The following CHRM3 variants were observed in gnomAD, a reference collection of about 807,000 sequenced individuals.
CHRM3 encodes cholinergic receptor muscarinic 3.
CHRM3 carries 11 observed loss-of-function variants against 41.8 expected under a neutral mutation model. That is an observed-to-expected ratio of 0.26 (90% CI 0.17 to 0.44). CHRM3 has a LOEUF of 0.44. CHRM3 is among the 20% of genes least tolerant of loss of function. CHRM3 has a pLI of 1.00. For missense variants in CHRM3, 571 were observed against 745.4 expected, an observed-to-expected ratio of 0.77 and a Z score of 2.72; for synonymous variants, 297 against 301.4, an observed-to-expected ratio of 0.99 and a Z score of 0.15.
chr1:239,824,672 G>A (rs1672314865), intron 5 of CHRM3, among the ~76,000 whole-genome samples: 1 of 152,170 alleles, frequency 6.6e-6, no homozygotes, highest in African/African-American at 2.4e-5. Context: ...GTAAAACAGA[G>A]TTAGCTGTTA....
At chr1:239,904,590 TACAA>T (rs777913886) in intron 6 of CHRM3, among the ~76,000 whole-genome samples, 35 of 152,198 alleles carry the variant, frequency 2.3e-4, no homozygotes, top group Non-Finnish European at 2.5e-4. Flanking sequence ...AATTGTGGGC[TACAA>T]ACAGTGTGTA....
At chr1:239,834,471 C>A (rs529078218) in intron 6 of CHRM3, among the ~76,000 whole-genome samples, 1 of 152,054 alleles carries the variant, frequency 6.6e-6, no homozygotes, top group South Asian at 2.1e-4. Flanking sequence ...TTCTCTCTCT[C>A]CCTGCACCAT....
intron 6 of CHRM3, among the ~76,000 whole-genome samples, chr1:239,876,808 T>C (rs759968866): frequency 3.1e-4 from 47 of 152,332 alleles, no homozygotes; most frequent in Non-Finnish European, 4.3e-4. Flanking sequence ...AGGCTGACAA[T>C]CAGTTCCCTA....
intron 3 of CHRM3, among the ~76,000 whole-genome samples, chr1:239,562,843 G>A (rs373212089): frequency 7.4e-4 from 108 of 146,778 alleles, no homozygotes; most frequent in Middle Eastern, 3.8e-3. Context: ...AGCCGAGGTC[G>A]CGCCACTGCA....
chr1:239,643,002 A>AGG (rs2148930086), intron 4 of CHRM3, among the ~76,000 whole-genome samples: 1 of 152,300 alleles, frequency 6.6e-6, no homozygotes, highest in Admixed American at 6.5e-5. Flanking sequence ...CCTCAGCTGC[A>AGG]GGTCTGTTGG....
At chr1:239,465,475 A>G (rs1387684746) in intron 1 of CHRM3, among the ~76,000 whole-genome samples, 2 of 152,208 alleles carry the variant, frequency 1.3e-5, no homozygotes, top group African/African-American at 4.8e-5. Context: ...TAGGCAGAGC[A>G]GTTTTTGACA....
intron 6 of CHRM3, among the ~76,000 whole-genome samples, chr1:239,837,063 T>A (rs578065744): frequency 1.3e-5 from 2 of 152,044 alleles, no homozygotes; most frequent in East Asian, 3.9e-4. Flanking sequence ...CTATGATCAG[T>A]AATGCATGAT....
At chr1:239,458,157 G>C (rs754365135) in intron 1 of CHRM3, among the ~76,000 whole-genome samples, 3 of 152,198 alleles carry the variant, frequency 2.0e-5, no homozygotes, top group Non-Finnish European at 4.4e-5. Flanking sequence ...TAAGAAAAGA[G>C]TAGAATGTAT....
chr1:239,468,280 A>G (rs954296269), intron 1 of CHRM3, among the ~76,000 whole-genome samples: 5 of 152,190 alleles, frequency 3.3e-5, no homozygotes, highest in Non-Finnish European at 7.3e-5. Context: ...GATGATTACT[A>G]AGGTTTATCA....
chr1:239,589,044 C>T (rs1398012891), intron 3 of CHRM3, among the ~76,000 whole-genome samples: 1 of 152,052 alleles, frequency 6.6e-6, no homozygotes, highest in Non-Finnish European at 1.5e-5. Context: ...AGCAGTTCTC[C>T]TGCCTCAGCC....
intron 1 of CHRM3, among the ~76,000 whole-genome samples, chr1:239,460,565 T>G (rs1665282055): frequency 6.6e-6 from 1 of 152,304 alleles, no homozygotes; most frequent in Non-Finnish European, 1.5e-5. Context: ...AGGAAGACAT[T>G]ATTCCTTAAC....
At chr1:239,510,323 C>G (rs753473805) in intron 2 of CHRM3, among the ~76,000 whole-genome samples, 5 of 152,164 alleles carry the variant, frequency 3.3e-5, no homozygotes, top group Non-Finnish European at 7.3e-5. Context: ...CCAGAATCAA[C>G]TGGTATCTTC....
At chr1:239,515,734 C>T (rs1669224043) in intron 2 of CHRM3, among the ~76,000 whole-genome samples, 1 of 152,156 alleles carries the variant, frequency 6.6e-6, no homozygotes, top group South Asian at 2.1e-4. Context: ...ATGGAGTATG[C>T]CAAACTCTGC....
At chr1:239,835,516 T>C (rs1352992225) in intron 6 of CHRM3, among the ~76,000 whole-genome samples, 5 of 152,232 alleles carry the variant, frequency 3.3e-5, no homozygotes, top group African/African-American at 1.2e-4. Context: ...ACAACATTTC[T>C]TGACTTTCTT....
At position 239,869,431 on chromosome 1, in the gene CHRM3, T is replaced by C. The variant is rs112949843; in HGVS notation, c.-19-38002T>C. Among the ~76,000 whole-genome samples, 628 of 152,268 alleles carry C rather than the reference T, an allele frequency of 4.1e-3. 7 individuals carry two copies. The highest frequency in any genetic ancestry group is 0.014 in the African/African-American group (599 of 41,566). ...AGAACAGCCTTGTAAGCTTGGAACA[T>C]AGTAGTCAGGCAATTAGGTGGACAT... On this transcript the variant is annotated intron_variant, in intron 6 of 6. Transcript: ENST00000676153.
At chr1:239,688,360 G>A (rs1000242309) in intron 5 of CHRM3, among the ~76,000 whole-genome samples, 21 of 144,060 alleles carry the variant, frequency 1.5e-4, no homozygotes, top group East Asian at 9.9e-4. Context: ...ATATATTCCC[G>A]TTAATTTGAA....
chr1:239,857,146 A>T (rs962253575), intron 6 of CHRM3, among the ~76,000 whole-genome samples: 1 of 152,142 alleles, frequency 6.6e-6, no homozygotes, highest in African/African-American at 2.4e-5. Flanking sequence ...TGAGATAAAA[A>T]CCAGGAGGGT....
At chr1:239,720,114 G>A (rs1662809835) in intron 5 of CHRM3, 1 of 151,892 alleles carries the variant, frequency 6.6e-6, no homozygotes, top group Admixed American at 6.6e-5. Flanking sequence ...CTTGCAAACC[G>A]TGTTGTATCT....
intron 5 of CHRM3, among the ~76,000 whole-genome samples, chr1:239,701,707 C>A (rs1357946046): frequency 6.6e-6 from 1 of 152,150 alleles, no homozygotes; most frequent in African/African-American, 2.4e-5. Flanking sequence ...AAATGCAGAT[C>A]CCTCTGTGTA....
Sources: allele counts gnomAD v4.1 joint callset (sites outside exome capture counted in the v4.1 genomes callset), GRCh38; gene constraint gnomAD v4.1.1; transcripts MANE v1.5; gene names NCBI Gene and HGNC (gene_info 2026-07-23, HGNC 2026-07-21).